BAG4: variants seen among roughly 807,000 people sequenced by gnomAD.
BAG4 encodes the protein BAG cochaperone 4.
In BAG4, 28 loss-of-function variants were observed where a neutral mutation model predicts 52.1. The observed-to-expected ratio is 0.54, with a 90% CI of 0.40 to 0.74. BAG4 has a LOEUF of 0.74. BAG4 is among the 30% of genes least tolerant of loss of function. The pLI is 0.00. For missense variants in BAG4, 525 were observed against 572.0 expected, an observed-to-expected ratio of 0.92 and a Z score of 0.84; for synonymous variants, 208 against 217.0, an observed-to-expected ratio of 0.96 and a Z score of 0.37.
At chr8:38,190,107 G>A (rs1450639638) in intron 1 of BAG4, among the ~76,000 whole-genome samples, 2 of 152,084 alleles carry the variant, frequency 1.3e-5, no homozygotes, top group East Asian at 3.9e-4. Flanking sequence ...TTACTTATGT[G>A]AGTTTGTAAT....
At chr8:38,179,086 T>C (rs1335392977) in intron 1 of BAG4, among the ~76,000 whole-genome samples, 2 of 152,202 alleles carry the variant, frequency 1.3e-5, no homozygotes, top group Non-Finnish European at 2.9e-5. Context: ...GGGTAGAGTT[T>C]ATAGTATGTT....
Position 38,210,192 on chromosome 8 carries a change from A to C in BAG4, c.1073A>C (p.Asn358Thr). ...AATGCCACCAGTGACCATCCCAACAATCAAGATCAAAGTAGCAGTCTTCCT... is the reference window on the plus strand; with the variant it reads ...AATGCCACCAGTGACCATCCCAACACTCAAGATCAAAGTAGCAGTCTTCCT... The part of the protein sequence containing the change: ...YGNATSDHPN[N>T]QDQSSSLPEE... The change falls in exon 5 of 5, where the codon AAT becomes ACT. Residue 358 changes from asparagine (N) to threonine (T), a missense_variant. Coordinates refer to ENST00000287322, the MANE Select transcript of BAG4 (RefSeq NM_004874.4). 6.2e-7 allele frequency: 1 copy of C among 1,614,186 alleles called. No individual in the cohort carries two copies. Among genetic ancestry groups the C allele is most frequent in the South Asian group, 1.1e-5 (1 of 91,080 alleles).
At chr8:38,189,857 G>A (rs1343005244) in intron 1 of BAG4, among the ~76,000 whole-genome samples, 3 of 151,506 alleles carry the variant, frequency 2.0e-5, no homozygotes, top group African/African-American at 7.3e-5. Context: ...TCCCTCTGTT[G>A]CCCAGGCTGG....
At chr8:38,193,061 TACAG>T (rs1326413282) in intron 2 of BAG4, among the ~76,000 whole-genome samples, 1 of 152,142 alleles carries the variant, frequency 6.6e-6, no homozygotes, top group Non-Finnish European at 1.5e-5. Flanking sequence ...CTTTACTGAT[TACAG>T]ACATTTAATT....
intron 1 of BAG4, among the ~76,000 whole-genome samples, chr8:38,191,249 C>T (rs540631724): frequency 2.0e-5 from 3 of 152,224 alleles, no homozygotes; most frequent in African/African-American, 4.8e-5. Context: ...ACCCGCATAA[C>T]AGTACCAAGA....
chr8:38,198,810 T>G (rs945371537), intron 2 of BAG4, among the ~76,000 whole-genome samples: 2 of 151,962 alleles, frequency 1.3e-5, no homozygotes, highest in African/African-American at 4.8e-5. Flanking sequence ...TAAAACTGTT[T>G]GTGTTAAAAA....
intron 2 of BAG4, among the ~76,000 whole-genome samples, chr8:38,194,863 G>GTTT (rs1354369989): frequency 1.9e-5 from 1 of 52,242 alleles, no homozygotes; most frequent in African/African-American, 6.7e-5. Flanking sequence ...TTTTTTTTTT[G>GTTT]TTTTTTTTTT....
rs1803886932 is a variant in BAG4, at chr8:38,212,916, C to T, written c.*2423C>T. On this transcript the variant is annotated 3_prime_UTR_variant, in exon 5 of 5. Coordinates refer to ENST00000287322, the MANE Select transcript of BAG4 (RefSeq NM_004874.4). ...TGGTGATTTTCTATTTCTCTCAATC[C>T]TTCTACATTTATTATTGGAATTCTT... The T allele has an allele frequency of 5.9e-5, 9 of 152,170 alleles. No individual in the cohort carries two copies. The highest frequency in any genetic ancestry group is 5.9e-4 in the Admixed American group (9 of 15,278). 9.4% of individuals were successfully genotyped at this position (152,170 alleles called of 1,614,324 possible). A position where few individuals can be genotyped will look rare whatever the true frequency, so the allele number is the denominator to read the frequency against.
intron 1 of BAG4, among the ~76,000 whole-genome samples, chr8:38,188,985 G>T (rs1182948033): frequency 6.8e-6 from 1 of 147,628 alleles, no homozygotes; most frequent in Admixed American, 6.8e-5. Context: ...TTGAGATGGA[G>T]TCTCACCCTG....
intron 1 of BAG4, among the ~76,000 whole-genome samples, chr8:38,181,049 T>TC (rs1803257338): frequency 6.6e-6 from 1 of 151,318 alleles, no homozygotes; most frequent in South Asian, 2.1e-4. Context: ...CACGCCCTTC[T>TC]CCTGCCTCAG....
At chr8:38,201,863 TATATATATATATA>T (rs1563284066) in intron 2 of BAG4, 4 of 8,636 alleles carry the variant, frequency 4.6e-4, no homozygotes, top group Non-Finnish European at 7.7e-4. Flanking sequence ...TATATATATA[TATATATATATATA>T]TATATTTTTT....
intron 1 of BAG4, among the ~76,000 whole-genome samples, chr8:38,184,706 T>C (rs2130664767): frequency 6.6e-6 from 1 of 152,154 alleles, no homozygotes; most frequent in East Asian, 1.9e-4. Flanking sequence ...TAGCCTAGCA[T>C]AGTGTGTTGG....
intron 2 of BAG4, among the ~76,000 whole-genome samples, chr8:38,194,867 T>G (rs111373244): frequency 0.22 from 30,644 of 142,240 alleles, 2,031 homozygotes; most frequent in East Asian, 0.27. Flanking sequence ...TTTTTTGTTT[T>G]TTTTTTTGGC....
At chr8:38,181,075 G>T (rs1367789740) in intron 1 of BAG4, among the ~76,000 whole-genome samples, 1 of 151,734 alleles carries the variant, frequency 6.6e-6, no homozygotes, top group Non-Finnish European at 1.5e-5. Context: ...CGAGTAGCTG[G>T]GATTACAGGC....
At chr8:38,207,199 C>T (rs1229450579) in intron 2 of BAG4, among the ~76,000 whole-genome samples, 4 of 152,146 alleles carry the variant, frequency 2.6e-5, no homozygotes, top group Non-Finnish European at 4.4e-5. Flanking sequence ...GTGACCCACC[C>T]GCCTCGGCCT....
chr8:38,178,075 A>G (rs756205209), intron 1 of BAG4, among the ~76,000 whole-genome samples: 20 of 152,044 alleles, frequency 1.3e-4, no homozygotes, highest in Non-Finnish European at 2.6e-4. Context: ...AAAACTGATA[A>G]CGTATGTTCA....
intron 2 of BAG4, among the ~76,000 whole-genome samples, chr8:38,194,915 C>T (rs1256528101): frequency 1.5e-5 from 2 of 132,206 alleles, no homozygotes; most frequent in South Asian, 2.5e-4. Flanking sequence ...AGTGCAGTGG[C>T]GCGACCTCGG....
intron 2 of BAG4, among the ~76,000 whole-genome samples, chr8:38,197,292 A>G (rs1803577678): frequency 6.6e-6 from 1 of 152,208 alleles, no homozygotes; most frequent in Non-Finnish European, 1.5e-5. Flanking sequence ...TCTAGATGGT[A>G]CAGCTTACTA....
intron 1 of BAG4, among the ~76,000 whole-genome samples, chr8:38,181,852 G>T (rs1487854850): frequency 8.7e-6 from 1 of 114,990 alleles, no homozygotes; most frequent in Non-Finnish European, 1.6e-5. Flanking sequence ...ATCATGCCAC[G>T]AACTCCAGCC....
Sources: allele counts gnomAD v4.1 joint callset (sites outside exome capture counted in the v4.1 genomes callset), GRCh38; gene constraint gnomAD v4.1.1; transcripts MANE v1.5; gene names NCBI Gene and HGNC (gene_info 2026-07-23, HGNC 2026-07-21).